The following FAM83A variants were observed in gnomAD, a reference collection of about 807,000 sequenced individuals.
The protein encoded by FAM83A is protein FAM83A.
FAM83A carries 21 observed loss-of-function variants against 24.4 expected under a neutral mutation model. The observed-to-expected ratio is 0.86, with a 90% CI of 0.61 to 1.24. FAM83A has a LOEUF of 1.24. Among genes scored for constraint, FAM83A ranks in the 50% most tolerant of loss-of-function variants. The pLI is 0.00. For missense variants in FAM83A, 617 were observed against 579.8 expected (o/e 1.06, Z -0.66); for synonymous variants, 270 against 252.4 (o/e 1.07, Z -0.66).
chr8:123,185,730 G>A (rs952592576), intron 1 of FAM83A, among the ~76,000 whole-genome samples: 1 of 152,106 alleles, frequency 6.6e-6, no homozygotes, highest in African/African-American at 2.4e-5. Flanking sequence ...ATAATTAATT[G>A]GTTATAATTA....
chr8:123,187,356 T>C (rs923168197), intron 1 of FAM83A, among the ~76,000 whole-genome samples: 1 of 152,142 alleles, frequency 6.6e-6, no homozygotes, highest in Admixed American at 6.5e-5. Flanking sequence ...ACTTATCCCA[T>C]GTGGGGCTGG....
upstream of FAM83A, chr8:123,182,615 G>A (rs1042453051): frequency 1.3e-5 from 9 of 703,556 alleles, no homozygotes; most frequent in African/African-American, 7.0e-5. Context: ...CCCGGCCCGA[G>A]GGCAGGGCAG....
At chr8:123,198,219 C>T (rs1479152365) in intron 3 of FAM83A, among the ~76,000 whole-genome samples, 3 of 152,112 alleles carry the variant, frequency 2.0e-5, no homozygotes, top group South Asian at 2.1e-4. Context: ...TACCCGGAGG[C>T]TCTTATCTAT....
intron 3 of FAM83A, among the ~76,000 whole-genome samples, chr8:123,205,861 C>G (rs1242964810): frequency 6.6e-6 from 1 of 151,914 alleles, no homozygotes; most frequent in Non-Finnish European, 1.5e-5. Context: ...ATCTGGGAAA[C>G]AGGCCGGGCG....
rs1237100871 is a variant in FAM83A at position 123,207,300 on chromosome 8, CCCCCGTCCCG to C, written c.921_930del (p.Val308GlufsTer110). 2 of 1,611,828 alleles carry C rather than the reference CCCCCGTCCCG, an allele frequency of 1.2e-6. No homozygotes were observed. The highest frequency in any genetic ancestry group is 1.7e-6 in the Non-Finnish European group (2 of 1,179,440). ...GGCCTGAAGTCCCCGCGGCTGGTCG[CCCCCGTCCCG>C]CCCGGAGCAGCCCCGGCCAATGGCC... is the stretch of plus-strand genomic sequence containing the variant. On this transcript the variant is annotated frameshift_variant, in exon 4 of 4. Coordinates refer to ENST00000690554, the Ensembl canonical transcript of FAM83A. LOFTEE classifies it low-confidence loss of function (END_TRUNC).
In FAM83A at chr8:123,209,557, C is replaced by A; in HGVS notation, c.*1869C>A. ...CTGAGATGAGGTTAGAATGACTGGG[C>A]CCGGCTGAACATTCCAAATTGGATT... On this transcript the variant is annotated 3_prime_UTR_variant, in exon 4 of 4. Coordinates refer to ENST00000690554, the Ensembl canonical transcript of FAM83A. This position sits in a 1 kb window ranked among gnomAD's most constrained non-coding sequence, Gnocchi z 4.7. 6.2e-7 allele frequency: 1 copy of A among 1,613,736 alleles called. No homozygotes were observed.
At position 123,209,809 on chromosome 8, in the gene FAM83A, G is replaced by A. The variant is rs73703768; in HGVS notation, c.*2121G>A. The A allele has an allele frequency of 0.032, 16,204 of 510,950 alleles. 1,392 individuals carry two copies. The highest frequency in any genetic ancestry group is 0.22 in the African/African-American group (11,709 of 52,398). The allele number at this position is 510,950 out of a possible 1,614,324, so 31.7% of individuals were successfully genotyped here. On this transcript the variant is annotated 3_prime_UTR_variant, in exon 4 of 4. Transcript: ENST00000690554. This position sits in a 1 kb window ranked among gnomAD's most constrained non-coding sequence, Gnocchi z 4.7. The stretch of plus-strand genomic sequence containing the variant: ...ACAAAGGTGCAGTTTCTCCTCTCCT[G>A]GGCACCTGTAACATGTGATGCGCTG...
chr8:123,204,438 C>T (rs1399212337), intron 3 of FAM83A, among the ~76,000 whole-genome samples: 1 of 152,122 alleles, frequency 6.6e-6, no homozygotes, highest in Non-Finnish European at 1.5e-5. Flanking sequence ...TAAGTGAATG[C>T]TACGTACTTA....
exon 4 of FAM83A, chr8:123,207,568 C>A (rs766874101): frequency 2.6e-6 from 4 of 1,567,958 alleles, no homozygotes; most frequent in Non-Finnish European, 2.6e-6. Flanking sequence ...GCCCGCCCGC[C>A]GCTGTCTACA....
At chr8:123,182,593 TG>T (rs1163433062), upstream of FAM83A, 1 of 668,512 alleles carries the variant, frequency 1.5e-6, no homozygotes, top group Admixed American at 2.1e-5. Flanking sequence ...AGGAGGTGTC[TG>T]AGCCAGCCCT....
At chr8:123,205,967 C>T (rs1194081365) in intron 3 of FAM83A, among the ~76,000 whole-genome samples, 6 of 151,320 alleles carry the variant, frequency 4.0e-5, no homozygotes, top group Admixed American at 3.9e-4. Flanking sequence ...ACATGGTGAA[C>T]CCCTGTCTCT....
chr8:123,209,410 C>T lies in FAM83A; in HGVS notation c.*1722C>T. 6.2e-7 allele frequency: 1 copy of T among 1,612,554 alleles called. No homozygotes were observed. On this transcript the variant is annotated 3_prime_UTR_variant, in exon 4 of 4. Transcript: ENST00000690554. The surrounding 1 kb of genome is among the most constrained non-coding windows in gnomAD (Gnocchi z 4.7). ...TTAATTATTGTATTCCTGTCCTTCA[C>T]TTTTTTCCTCCTTAGTTCCTGAAAG... is the stretch of plus-strand genomic sequence containing the variant.
rs776549902 is a variant in FAM83A, at chr8:123,207,248, C to T, written c.865C>T (p.Leu289Phe). Residue 289 changes from leucine to phenylalanine, a missense_variant, in exon 4 of 4, where the codon CTC becomes TTC. Leu to Phe is a conservative substitution (Grantham distance 22). Transcript: ENST00000690554. ...GCTGTTTGACGAGGAGTTCCGCCAC[C>T]TCTACGCCTCCTCCAAGCCTGTGAT... 10 of 1,612,896 alleles carry T rather than the reference C, an allele frequency of 6.2e-6. No homozygotes were observed. The highest frequency in any genetic ancestry group is 8.5e-6 in the Non-Finnish European group (10 of 1,179,840).
chr8:123,208,256 G>A (rs532001540), exon 4 of FAM83A: 3 of 985,544 alleles, frequency 3.0e-6, no homozygotes, highest in African/African-American at 1.7e-5. Flanking sequence ...ATGAATTAGG[G>A]GTGAGGCCCC....
upstream of FAM83A, chr8:123,181,856 A>G: frequency 5.8e-6 from 2 of 346,864 alleles, no homozygotes; most frequent in South Asian, 4.3e-5. Context: ...AACCACTTGT[A>G]CTGAAATCCT....
chr8:123,193,897 C>A, intron 2 of FAM83A, 127 bp from the exon 3 acceptor site: 1 of 1,198,622 alleles, frequency 8.3e-7, no homozygotes, highest in Non-Finnish European at 1.2e-6. Flanking sequence ...CCTTCTAGTA[C>A]CGTCACCCTG....
upstream of FAM83A, chr8:123,181,556 C>T (rs975177150): frequency 6.3e-5 from 10 of 158,860 alleles, no homozygotes; most frequent in African/African-American, 2.2e-4. Flanking sequence ...GGGTTCAGGG[C>T]TGTGCTTGGT....
rs144049076 is a variant in FAM83A, at chr8:123,193,958, C to G, written c.649-66C>G. ...GGGTAAAGGGAACATAAACATCCAG[C>G]CTAAAGCCCAAATGTATCTCTATAA... On this transcript the variant is annotated intron_variant, in intron 2 of 3. Coordinates refer to ENST00000690554, the Ensembl canonical transcript of FAM83A. The G allele has an allele frequency of 4.4e-6, 7 of 1,592,692 alleles. No homozygotes were observed. The East Asian group carries it at 1.1e-4, about 26-fold the overall frequency.
At chr8:123,200,847 T>C (rs999164631) in intron 3 of FAM83A, among the ~76,000 whole-genome samples, 3 of 151,178 alleles carry the variant, frequency 2.0e-5, no homozygotes, top group Non-Finnish European at 2.9e-5. Context: ...TCCAGCTACT[T>C]GGGAGGCTGA....
Sources: gnomAD v4.1 joint callset for allele counts (sites outside exome capture counted in the v4.1 genomes callset) on GRCh38, gnomAD v4.1.1 for gene constraint, Gnocchi (gnomAD v3.1) non-coding constraint, MANE v1.5 for transcripts, NCBI Gene and HGNC (gene_info 2026-07-23, HGNC 2026-07-21) for gene names.